SPATA17: variants seen among roughly 807,000 people sequenced by gnomAD.
SPATA17 encodes spermatogenesis-associated protein 17.
A neutral mutation model predicts 62.2 loss-of-function variants in SPATA17; 53 were observed. That is an observed-to-expected ratio of 0.85 (90% CI 0.68 to 1.07). The LOEUF (loss-of-function observed/expected upper bound fraction) is 1.07. Among genes scored for constraint, SPATA17 ranks in the 50% least tolerant of loss-of-function variants. The pLI is 0.00. For missense variants in SPATA17, 466 were observed against 425.5 expected (o/e 1.10, Z -0.84); for synonymous variants, 146 against 146.8 (o/e 0.99, Z 0.04).
rs1051131699 is a variant in SPATA17 at position 217,870,924 on chromosome 1, T to C, written c.*3905T>C. On this transcript the variant is annotated 3_prime_UTR_variant, in exon 11 of 11. Transcript: ENST00000366933. Reference sequence around the variant, plus strand: ...TGAAATCCATCGAATGTGCTAATGATAAATAAAGAAGTTCAAAAAAATCTT... The same window carrying C: ...TGAAATCCATCGAATGTGCTAATGACAAATAAAGAAGTTCAAAAAAATCTT... 12 of 152,276 alleles carry C rather than the reference T, an allele frequency of 7.9e-5. No individual in the cohort carries two copies. The highest frequency in any genetic ancestry group is 2.4e-4 in the African/African-American group (10 of 41,576). The allele number at this position is 152,276 out of a possible 1,614,324, so 9.4% of individuals were successfully genotyped here. A position where few individuals can be genotyped will look rare whatever the true frequency, so the allele number is the denominator to read the frequency against.
At chr1:217,845,314 C>A (rs1235553957) in intron 9 of SPATA17, among the ~76,000 whole-genome samples, 1 of 152,082 alleles carries the variant, frequency 6.6e-6, no homozygotes, top group East Asian at 1.9e-4. Context: ...TCACTATTTG[C>A]CAACATAGAA....
chr1:217,787,072 G>T (rs374785861), intron 8 of SPATA17, among the ~76,000 whole-genome samples: 12 of 152,000 alleles, frequency 7.9e-5, no homozygotes, highest in African/African-American at 2.2e-4. Flanking sequence ...TTCTCCTCCA[G>T]CATCATCCAT....
At chr1:217,738,679 C>T (rs1211976222) in intron 5 of SPATA17, among the ~76,000 whole-genome samples, 1 of 152,206 alleles carries the variant, frequency 6.6e-6, no homozygotes, top group Non-Finnish European at 1.5e-5. Context: ...TGGCCGGGTG[C>T]GATGGCTCAC....
chr1:217,795,362 CTTTTTTTTTT>C (rs71560537), intron 8 of SPATA17, among the ~76,000 whole-genome samples: 3 of 69,548 alleles, frequency 4.3e-5, no homozygotes, highest in Admixed American at 2.1e-4. Context: ...ACAAAAGTCT[CTTTTTTTTTT>C]TTTTTTTTTT....
intron 5 of SPATA17, among the ~76,000 whole-genome samples, chr1:217,710,943 A>C (rs557812999): frequency 3.3e-5 from 5 of 152,312 alleles, no homozygotes; most frequent in African/African-American, 9.6e-5. Flanking sequence ...TCTTTCACTT[A>C]GCATGGTGTT....
intron 4 of SPATA17, among the ~76,000 whole-genome samples, chr1:217,670,216 T>A (rs1384958863): frequency 6.6e-6 from 1 of 152,208 alleles, no homozygotes; most frequent in African/African-American, 2.4e-5. Flanking sequence ...CTTTTCTTCT[T>A]ACTTCATGTC....
intron 4 of SPATA17, among the ~76,000 whole-genome samples, chr1:217,671,939 T>A (rs1388373273): frequency 6.6e-6 from 1 of 152,180 alleles, no homozygotes; most frequent in Non-Finnish European, 1.5e-5. Flanking sequence ...GTTCCTGAGT[T>A]GAGGAATCAG....
intron 3 of SPATA17, among the ~76,000 whole-genome samples, chr1:217,668,455 G>A (rs1670752874): frequency 6.6e-6 from 1 of 152,068 alleles, no homozygotes; most frequent in South Asian, 2.1e-4. Flanking sequence ...TGATTTTATG[G>A]TGTTAAAATG....
At chr1:217,784,887 T>C (rs926124174) in intron 8 of SPATA17, 3 of 152,138 alleles carry the variant, frequency 2.0e-5, no homozygotes, top group African/African-American at 7.2e-5. Flanking sequence ...AGACAATTTT[T>C]CTAAGTGTAT....
chr1:217,744,442 G>C (rs1256438931), intron 6 of SPATA17, among the ~76,000 whole-genome samples: 1 of 33,978 alleles, frequency 2.9e-5, no homozygotes, highest in South Asian at 7.5e-4. Context: ...CAGCCTGGGC[G>C]ACAGAGCGAG....
At chr1:217,689,717 C>T (rs975958192) in intron 5 of SPATA17, among the ~76,000 whole-genome samples, 4 of 152,050 alleles carry the variant, frequency 2.6e-5, no homozygotes, top group Admixed American at 2.0e-4. Flanking sequence ...TCTGAAGTAG[C>T]TTTTCTCTCT....
intron 6 of SPATA17, among the ~76,000 whole-genome samples, chr1:217,773,299 G>T (rs1435318554): frequency 1.3e-5 from 2 of 152,044 alleles, no homozygotes; most frequent in Non-Finnish European, 2.9e-5. Context: ...AGTAAGAATG[G>T]ATACATTTAA....
At chr1:217,717,131 C>T (rs1672022948) in intron 5 of SPATA17, among the ~76,000 whole-genome samples, 1 of 152,174 alleles carries the variant, frequency 6.6e-6, no homozygotes, top group South Asian at 2.1e-4. Flanking sequence ...CCATCCTAAC[C>T]TCTTTATAAA....
chr1:217,660,558 A>T (rs1357978900), intron 3 of SPATA17, among the ~76,000 whole-genome samples: 1 of 152,210 alleles, frequency 6.6e-6, no homozygotes, highest in Admixed American at 6.5e-5. Context: ...CATAAAAAGG[A>T]TGATTCATAC....
At position 217,636,082 on chromosome 1, in the gene SPATA17, G is replaced by A. The variant is rs1415598227; in HGVS notation, c.68+4636G>A. On this transcript the variant is annotated intron_variant, in intron 1 of 10. Transcript: ENST00000366933. ...CTAGAGGTGGAGGTTGCAGTGAGCC[G>A]AGATCGTGCCAATGCACTCCAGCCT... Among the ~76,000 whole-genome samples the A allele has an allele frequency of 6.7e-5, 9 of 134,762 alleles. 1 individual carries two copies. Among genetic ancestry groups the A allele is most frequent in the Non-Finnish European group, 4.6e-5 (3 of 65,618 alleles). The allele number at this position is 134,762 out of a possible 152,430, so 88.4% of individuals were successfully genotyped here.
At chr1:217,637,792 T>A (rs773481697) in intron 1 of SPATA17, among the ~76,000 whole-genome samples, 9 of 152,156 alleles carry the variant, frequency 5.9e-5, no homozygotes, top group Non-Finnish European at 1.2e-4. Flanking sequence ...TTCTGACCAA[T>A]AAAACTTAGC....
intron 9 of SPATA17, among the ~76,000 whole-genome samples, chr1:217,845,464 C>G (rs1452742185): frequency 6.6e-6 from 1 of 152,020 alleles, no homozygotes; most frequent in Non-Finnish European, 1.5e-5. Context: ...AATTATAGTT[C>G]TAACTGGTAC....
intron 4 of SPATA17, among the ~76,000 whole-genome samples, chr1:217,681,161 A>G (rs1035189080): frequency 1.3e-5 from 2 of 150,490 alleles, no homozygotes; most frequent in African/African-American, 4.9e-5. Context: ...AGGGAGTTGG[A>G]GGTTACAGTG....
At chr1:217,777,820 G>T (rs1430508908) in intron 7 of SPATA17, among the ~76,000 whole-genome samples, 1 of 152,146 alleles carries the variant, frequency 6.6e-6, no homozygotes, top group Non-Finnish European at 1.5e-5. Flanking sequence ...ACAAAAGAGA[G>T]ATAGTAGGAA....
Sources: allele counts gnomAD v4.1 joint callset (sites outside exome capture counted in the v4.1 genomes callset), GRCh38; gene constraint gnomAD v4.1.1; transcripts MANE v1.5; gene names NCBI Gene and HGNC (gene_info 2026-07-23, HGNC 2026-07-21).